RAF1: variants seen among roughly 807,000 people sequenced by gnomAD.
RAF1 encodes the protein RAF proto-oncogene serine/threonine-protein kinase.
RAF1 carries 27 observed loss-of-function variants against 81.1 expected under a neutral mutation model. The ratio of observed to expected loss-of-function variants is 0.33; its 90% CI spans 0.25 to 0.46. The LOEUF (loss-of-function observed/expected upper bound fraction) is 0.46, where lower values mean the gene tolerates loss of function less well. Among genes scored for constraint, RAF1 ranks in the 20% least tolerant of loss-of-function variants. The pLI is 1.00. For missense variants in RAF1, 598 were observed against 826.0 expected (o/e 0.72, Z 3.38); for synonymous variants, 298 against 294.0 (o/e 1.01, Z -0.14).
At chr3:12,633,811 T>C (rs1175580388) in intron 1 of RAF1, among the ~76,000 whole-genome samples, 2 of 151,410 alleles carry the variant, frequency 1.3e-5, no homozygotes, top group African/African-American at 4.8e-5. Flanking sequence ...GGTGCGCACC[T>C]GTAATCTCAG....
intron 1 of RAF1, among the ~76,000 whole-genome samples, chr3:12,647,295 C>CA (rs35322564): frequency 2.7e-4 from 38 of 140,814 alleles, no homozygotes; most frequent in Non-Finnish European, 3.7e-4. Context: ...GACTCCATCT[C>CA]AAAAAAAAAA....
intron 7 of RAF1, 112 bp downstream of exon 7, chr3:12,604,024 G>A (rs2125395974): frequency 8.2e-7 from 1 of 1,224,560 alleles, no homozygotes; most frequent in Admixed American, 1.7e-5. Flanking sequence ...CCAGAGACCT[G>A]AGAAAGTGTT....
chr3:12,595,778 A>G (rs2058668289), intron 11 of RAF1, among the ~76,000 whole-genome samples: 1 of 151,864 alleles, frequency 6.6e-6, no homozygotes, highest in Non-Finnish European at 1.5e-5. Context: ...CTGCCACTCC[A>G]TATCTCCTTT....
At chr3:12,599,904 A>G (rs867558249) in intron 10 of RAF1, 96 bp from the exon 10 acceptor site, 9 of 1,219,350 alleles carry the variant, frequency 7.4e-6, no homozygotes, top group South Asian at 2.4e-5. Context: ...ATCTGTTTCC[A>G]TATCTTTTAA....
chr3:12,603,758 C>T (rs1321989265), intron 7 of RAF1, among the ~76,000 whole-genome samples: 1 of 152,172 alleles, frequency 6.6e-6, no homozygotes, highest in Non-Finnish European at 1.5e-5. Context: ...CCTTTTATTT[C>T]TAAATAAAAT....
chr3:12,662,456 C>T (rs2060909989), intron 1 of RAF1, among the ~76,000 whole-genome samples: 1 of 151,008 alleles, frequency 6.6e-6, no homozygotes, highest in Non-Finnish European at 1.5e-5. Context: ...CTATCAGCTT[C>T]AACATCAACA....
intron 2 of RAF1, among the ~76,000 whole-genome samples, chr3:12,617,407 A>C (rs957203778): frequency 2.0e-5 from 3 of 151,932 alleles, no homozygotes; most frequent in African/African-American, 7.2e-5. Context: ...AAGCCACTGC[A>C]CCAGGCCTAC....
intron 2 of RAF1, among the ~76,000 whole-genome samples, chr3:12,614,507 A>C (rs1471881857): frequency 1.3e-5 from 2 of 152,010 alleles, no homozygotes; most frequent in Non-Finnish European, 2.9e-5. Context: ...ATCATGACAC[A>C]TGTACCCTTT....
At chr3:12,603,437 G>A (rs981473910) in intron 8 of RAF1, 4 of 675,366 alleles carry the variant, frequency 5.9e-6, no homozygotes, top group Non-Finnish European at 8.1e-6. Context: ...TAGCAATCCT[G>A]TTAATTACAA....
intron 1 of RAF1, among the ~76,000 whole-genome samples, chr3:12,635,032 G>T (rs1023266786): frequency 2.0e-5 from 3 of 152,076 alleles, no homozygotes; most frequent in Non-Finnish European, 4.4e-5. Context: ...ACTTCTTTAA[G>T]ACTTTCTACT....
chr3:12,649,908 A>C (rs183667260), intron 1 of RAF1, among the ~76,000 whole-genome samples: 138 of 152,172 alleles, frequency 9.1e-4, no homozygotes, highest in South Asian at 2.9e-3. Flanking sequence ...GCACTTTGGG[A>C]GGCCGAGGCA....
intron 1 of RAF1, among the ~76,000 whole-genome samples, chr3:12,657,434 C>A (rs1311607163): frequency 1.3e-5 from 2 of 152,174 alleles, no homozygotes; most frequent in African/African-American, 4.8e-5. Flanking sequence ...TGACATCTGA[C>A]ATTATTACTT....
intron 1 of RAF1, among the ~76,000 whole-genome samples, chr3:12,641,528 G>A (rs1027086393): frequency 3.9e-5 from 5 of 129,234 alleles, no homozygotes; most frequent in African/African-American, 1.5e-4. Context: ...GTCTCGCTCT[G>A]TCACCCAGGC....
intron 2 of RAF1, among the ~76,000 whole-genome samples, chr3:12,613,611 G>A (rs1487972930): frequency 6.6e-6 from 1 of 152,178 alleles, no homozygotes; most frequent in Non-Finnish European, 1.5e-5. Context: ...ACAGAAAAAA[G>A]TCTTAAGAAA....
At chr3:12,617,322 C>T (rs1197923407) in intron 2 of RAF1, among the ~76,000 whole-genome samples, 2 of 152,058 alleles carry the variant, frequency 1.3e-5, no homozygotes, top group South Asian at 2.1e-4. Context: ...ACCATGTTGG[C>T]CAGGCTTGTC....
At chr3:12,653,184 A>G (rs2060587944) in intron 1 of RAF1, among the ~76,000 whole-genome samples, 1 of 152,070 alleles carries the variant, frequency 6.6e-6, no homozygotes, top group South Asian at 2.1e-4. Context: ...TGGGAGACTG[A>G]GGCAGGAGAA....
chr3:12,600,476 G>C, intron 8 of RAF1, 61 bp from the exon 8 acceptor site: 2 of 1,564,056 alleles, frequency 1.3e-6, no homozygotes, highest in African/African-American at 2.7e-5. Context: ...CTGGGGGAGG[G>C]AAAAAAGAGG....
At chr3:12,609,602 C>G (rs1245803191) in intron 3 of RAF1, among the ~76,000 whole-genome samples, 1 of 152,140 alleles carries the variant, frequency 6.6e-6, no homozygotes, top group Non-Finnish European at 1.5e-5. Context: ...CTGTTGAACT[C>G]CAAAGCCCAT....
chr3:12,636,733 G>A (rs1043935240), intron 1 of RAF1, among the ~76,000 whole-genome samples: 2 of 151,950 alleles, frequency 1.3e-5, no homozygotes, highest in African/African-American at 4.8e-5. Context: ...CTTGAGCCTG[G>A]GAGGTGGAGG....
Sources: gnomAD v4.1 joint callset for allele counts (sites outside exome capture counted in the v4.1 genomes callset) on GRCh38, gnomAD v4.1.1 for gene constraint, MANE v1.5 for transcripts, NCBI Gene and HGNC (gene_info 2026-07-23, HGNC 2026-07-21) for gene names.